MAGI1: variants seen among roughly 807,000 people sequenced by gnomAD.
The protein encoded by MAGI1 is membrane-associated guanylate kinase, WW and PDZ domain-containing protein 1.
Under a neutral mutation model 139.9 loss-of-function variants are expected in MAGI1, and 58 were observed. The ratio of observed to expected loss-of-function variants is 0.41; its 90% CI spans 0.34 to 0.52. The LOEUF is 0.52. Among genes scored for constraint, MAGI1 ranks in the 20% least tolerant of loss-of-function variants. MAGI1 has a pLI of 0.12. For missense variants in MAGI1, 1,874 were observed against 1,901.6 expected, an observed-to-expected ratio of 0.99 and a Z score of 0.27; for synonymous variants, 812 against 737.9, an observed-to-expected ratio of 1.10 and a Z score of -1.63.
At chr3:65,903,007 G>A (rs1488555070) in intron 1 of MAGI1, among the ~76,000 whole-genome samples, 1 of 152,026 alleles carries the variant, frequency 6.6e-6, no homozygotes, top group Admixed American at 6.5e-5. Context: ...GGGGAGTGGT[G>A]GGGAGAGGTA....
intron 2 of MAGI1, among the ~76,000 whole-genome samples, chr3:65,570,666 T>G (rs1031662345): frequency 6.6e-6 from 1 of 152,156 alleles, no homozygotes; most frequent in African/African-American, 2.4e-5. Flanking sequence ...GTGATACAGA[T>G]GAAATAAGAT....
At chr3:65,818,040 A>ATGTG (rs1553712280) in intron 1 of MAGI1, among the ~76,000 whole-genome samples, 1 of 106,664 alleles carries the variant, frequency 9.4e-6, no homozygotes, top group Non-Finnish European at 2.0e-5. Flanking sequence ...AAGTAAAATT[A>ATGTG]TGAGTGTGTG....
chr3:65,776,968 C>A (rs2038495063), intron 1 of MAGI1, among the ~76,000 whole-genome samples: 1 of 152,294 alleles, frequency 6.6e-6, no homozygotes, highest in Non-Finnish European at 1.5e-5. Flanking sequence ...TTCTTCTACC[C>A]TCTCCTTGCT....
chr3:65,622,302 A>C (rs1048186529), intron 1 of MAGI1, among the ~76,000 whole-genome samples: 6 of 152,230 alleles, frequency 3.9e-5, no homozygotes, highest in African/African-American at 1.4e-4. Context: ...ATTAATTTAG[A>C]GATCCTATCT....
intron 1 of MAGI1, among the ~76,000 whole-genome samples, chr3:65,631,510 T>G (rs1187676612): frequency 6.6e-6 from 1 of 152,214 alleles, no homozygotes; most frequent in East Asian, 1.9e-4. Context: ...CTACTTTGAT[T>G]ATCCTCCTTG....
chr3:65,727,878 G>C (rs1444479139), intron 1 of MAGI1, among the ~76,000 whole-genome samples: 1 of 152,134 alleles, frequency 6.6e-6, no homozygotes, highest in African/African-American at 2.4e-5. Flanking sequence ...TGAAAATTAT[G>C]TTATACTTTT....
chr3:65,777,491 T>C (rs546491522), intron 1 of MAGI1, among the ~76,000 whole-genome samples: 31 of 152,142 alleles, frequency 2.0e-4, no homozygotes, highest in Admixed American at 1.7e-3. Flanking sequence ...ACCGTGCTCA[T>C]GGCAAAGTGC....
intron 1 of MAGI1, among the ~76,000 whole-genome samples, chr3:65,715,934 C>CT (rs1355541924): frequency 2.0e-5 from 3 of 152,088 alleles, no homozygotes. Flanking sequence ...TGAGATGTTC[C>CT]TTGGAGCAAC....
intron 2 of MAGI1, 139 bp downstream of exon 2, chr3:65,621,833 G>C: frequency 1.6e-6 from 1 of 611,586 alleles, no homozygotes; most frequent in Admixed American, 2.8e-5. Flanking sequence ...ATTATGATTT[G>C]CTTGAGTTAA....
chr3:65,633,514 T>C (rs2084428869), intron 1 of MAGI1, among the ~76,000 whole-genome samples: 1 of 152,202 alleles, frequency 6.6e-6, no homozygotes, highest in African/African-American at 2.4e-5. Flanking sequence ...CTTCAGGAAA[T>C]CCACTTTATT....
At chr3:65,666,102 C>T (rs1193004394) in intron 1 of MAGI1, among the ~76,000 whole-genome samples, 1 of 152,080 alleles carries the variant, frequency 6.6e-6, no homozygotes, top group African/African-American at 2.4e-5. Context: ...GAGTTAGGAG[C>T]CCTTCAGTAC....
chr3:65,714,201 G>C (rs149907532), intron 1 of MAGI1, among the ~76,000 whole-genome samples: 293 of 152,284 alleles, frequency 1.9e-3, no homozygotes, highest in African/African-American at 6.7e-3. Context: ...TATGACACAT[G>C]AAAGTGCCTT....
At chr3:65,658,755 C>T (rs1391650358) in intron 1 of MAGI1, among the ~76,000 whole-genome samples, 1 of 152,184 alleles carries the variant, frequency 6.6e-6, no homozygotes, top group Non-Finnish European at 1.5e-5. Flanking sequence ...CGTTCACAAG[C>T]CATCTTCTGC....
At chr3:65,489,042 C>A (rs1240707818) in intron 3 of MAGI1, among the ~76,000 whole-genome samples, 1 of 150,072 alleles carries the variant, frequency 6.7e-6, no homozygotes, top group Non-Finnish European at 1.5e-5. Flanking sequence ...GGCCAGAGTG[C>A]CTGAATCTGA....
At chr3:65,747,725 C>T (rs970643683) in intron 1 of MAGI1, among the ~76,000 whole-genome samples, 1 of 152,026 alleles carries the variant, frequency 6.6e-6, no homozygotes, top group Non-Finnish European at 1.5e-5. Context: ...AGAGAAACTG[C>T]GGGAGAGGAG....
intron 2 of MAGI1, chr3:65,619,814 T>C: frequency 1.0e-6 from 1 of 976,904 alleles, no homozygotes; most frequent in Non-Finnish European, 1.2e-6. Context: ...TGAATTTCCT[T>C]CCCATTTTAT....
chr3:65,987,472 G>T (rs796283273), intron 1 of MAGI1, among the ~76,000 whole-genome samples: 35 of 152,304 alleles, frequency 2.3e-4, no homozygotes, highest in African/African-American at 8.2e-4. Flanking sequence ...GGAGGCCAGG[G>T]TAGGAACTAG....
intron 12 of MAGI1, 111 bp from the exon 13 acceptor site, chr3:65,401,581 C>A (rs1039862503): frequency 1.1e-5 from 17 of 1,553,928 alleles, no homozygotes; most frequent in Non-Finnish European, 1.5e-5. Flanking sequence ...TAGCCATCTG[C>A]AGAGTTATGT....
chr3:65,739,643 C>A (rs1226837319), intron 1 of MAGI1, among the ~76,000 whole-genome samples: 1 of 152,104 alleles, frequency 6.6e-6, no homozygotes, highest in Non-Finnish European at 1.5e-5. Context: ...CTTAAAGAGT[C>A]CATTGCAGGG....
Sources: gnomAD v4.1 joint callset for allele counts (sites outside exome capture counted in the v4.1 genomes callset) on GRCh38, gnomAD v4.1.1 for gene constraint, MANE v1.5 for transcripts, NCBI Gene and HGNC (gene_info 2026-07-23, HGNC 2026-07-21) for gene names.